Variants in KCNQ3 observed in about 807,000 individuals in gnomAD.
The protein encoded by KCNQ3 is potassium voltage-gated channel subfamily KQT member 3.
KCNQ3 carries 30 observed loss-of-function variants against 92.5 expected under a neutral mutation model. The ratio of observed to expected loss-of-function variants is 0.32; its 90% CI spans 0.24 to 0.44. The LOEUF is 0.44. Ranked by LOEUF, KCNQ3 falls within the 20% of genes least tolerant of loss-of-function variation. The pLI is 1.00. For missense variants in KCNQ3, 913 were observed against 1,140.3 expected, an observed-to-expected ratio of 0.80 and a Z score of 2.87; for synonymous variants, 450 against 468.8, an observed-to-expected ratio of 0.96 and a Z score of 0.52.
intron 1 of KCNQ3, among the ~76,000 whole-genome samples, chr8:132,344,776 C>A (rs57465264): frequency 0.013 from 2,017 of 152,178 alleles, 49 homozygotes; most frequent in African/African-American, 0.046. Context: ...GAGGCCAGTG[C>A]AGAAGGAGTA....
chr8:132,181,207 C>T lies in KCNQ3; in HGVS notation c.605-878G>A, dbSNP rs553561255. On this transcript the variant is annotated intron_variant, in intron 3 of 14. Transcript: ENST00000388996. ...GTTAAGCAGGCTCTTGACATCAAATCCTCTAGTATGGAAGAGGGAGGAACT... is the reference window on the plus strand; with the variant it reads ...GTTAAGCAGGCTCTTGACATCAAATTCTCTAGTATGGAAGAGGGAGGAACT... Among the ~76,000 whole-genome samples, 10 of 152,248 alleles carry T rather than the reference C, an allele frequency of 6.6e-5. No homozygotes were observed. In the South Asian group the frequency reaches 2.1e-3, roughly 32 times the overall value.
chr8:132,414,429 A>G (rs1820738719), intron 1 of KCNQ3, among the ~76,000 whole-genome samples: 1 of 152,222 alleles, frequency 6.6e-6, no homozygotes, highest in South Asian at 2.1e-4. Context: ...ACTTGCTCGG[A>G]GCCCTCGCCA....
At position 132,241,999 on chromosome 8, in the gene KCNQ3, A is replaced by T. The variant is rs186504970; in HGVS notation, c.387-55818T>A. Reference sequence around the variant, plus strand: ...AAGGGCATCTAGGTAGATCAAGGATATTTTAATTTGCTTAGGAACTTATTC... The same window carrying T: ...AAGGGCATCTAGGTAGATCAAGGATTTTTTAATTTGCTTAGGAACTTATTC... On this transcript the variant is annotated intron_variant, in intron 1 of 14. Coordinates refer to ENST00000388996, the MANE Select transcript of KCNQ3 (RefSeq NM_004519.4). 1.3e-4 allele frequency among the ~76,000 whole-genome samples: 19 copies of T among 146,586 alleles called. No homozygotes were observed. In the East Asian group the frequency reaches 4.0e-3, roughly 31 times the overall value.
At chr8:132,328,341 G>C (rs1818121202) in intron 1 of KCNQ3, among the ~76,000 whole-genome samples, 1 of 152,106 alleles carries the variant, frequency 6.6e-6, no homozygotes, top group African/African-American at 2.4e-5. Flanking sequence ...GGGATAGAGG[G>C]GCAAATCGAC....
chr8:132,184,404 C>A, intron 2 of KCNQ3, 37 bp from the exon 3 acceptor site: 3 of 1,611,916 alleles, frequency 1.9e-6, no homozygotes, highest in Non-Finnish European at 2.5e-6. Context: ...ACTGATTAAC[C>A]GAGATCCACT....
chr8:132,447,281 A>T, intron 1 of KCNQ3: 1 of 1,533,072 alleles, frequency 6.5e-7, no homozygotes, highest in Non-Finnish European at 8.7e-7. Context: ...CACAGCTAGA[A>T]ATAACCCTAA....
chr8:132,302,587 A>C (rs1817254035), intron 1 of KCNQ3, among the ~76,000 whole-genome samples: 1 of 152,222 alleles, frequency 6.6e-6, no homozygotes, highest in South Asian at 2.1e-4. Flanking sequence ...GGACAACATA[A>C]TGAAGACATG....
intron 1 of KCNQ3, among the ~76,000 whole-genome samples, chr8:132,274,739 T>C (rs187712048): frequency 5.1e-4 from 78 of 152,256 alleles, no homozygotes; most frequent in Admixed American, 9.8e-4. Flanking sequence ...CATAAATAAG[T>C]GAAAATTGTG....
chr8:132,430,182 A>C (rs1032044133), intron 1 of KCNQ3, among the ~76,000 whole-genome samples: 2 of 152,202 alleles, frequency 1.3e-5, no homozygotes, highest in Admixed American at 6.5e-5. Context: ...CTTTAGATTT[A>C]GATTTCCACC....
At chr8:132,311,945 C>T (rs1817605557) in intron 1 of KCNQ3, among the ~76,000 whole-genome samples, 1 of 148,278 alleles carries the variant, frequency 6.7e-6, no homozygotes, top group Non-Finnish European at 1.5e-5. Context: ...AATCCAGTGA[C>T]TGATATCGTT....
At chr8:132,141,092 A>AG in intron 10 of KCNQ3, 37 bp downstream of exon 10, 1 of 1,582,434 alleles carries the variant, frequency 6.3e-7, no homozygotes, top group Non-Finnish European at 8.7e-7. Flanking sequence ...GGGAGGAAGA[A>AG]GTGGAAGAGA....
At chr8:132,163,616 A>G (rs1826056756) in intron 8 of KCNQ3, 122 bp from the exon 9 acceptor site, 1 of 873,444 alleles carries the variant, frequency 1.1e-6, no homozygotes, top group Admixed American at 1.9e-5. Flanking sequence ...GCTCTAGGAC[A>G]GGATGGTCAG....
intron 1 of KCNQ3, among the ~76,000 whole-genome samples, chr8:132,206,921 A>T (rs185729987): frequency 6.6e-6 from 1 of 152,104 alleles, no homozygotes; most frequent in African/African-American, 2.4e-5. Context: ...GTTCTTTAAG[A>T]TGCATTCTTA....
intron 1 of KCNQ3, among the ~76,000 whole-genome samples, chr8:132,298,831 T>C (rs1191786498): frequency 6.6e-6 from 1 of 151,976 alleles, no homozygotes; most frequent in Admixed American, 6.6e-5. Flanking sequence ...TCCTTTGAAC[T>C]CAGGAGGTGG....
chr8:132,347,690 A>C (rs1258382501), intron 1 of KCNQ3, among the ~76,000 whole-genome samples: 1 of 152,228 alleles, frequency 6.6e-6, no homozygotes, highest in African/African-American at 2.4e-5. Context: ...TAAAAAGAGG[A>C]AAACCGGCCG....
At chr8:132,472,867 T>C (rs1822326481) in intron 1 of KCNQ3, among the ~76,000 whole-genome samples, 1 of 152,216 alleles carries the variant, frequency 6.6e-6, no homozygotes, top group Non-Finnish European at 1.5e-5. Flanking sequence ...AAATAGTACA[T>C]GTACCTCATA....
chr8:132,359,259 G>A (rs1340498124), intron 1 of KCNQ3, among the ~76,000 whole-genome samples: 1 of 152,180 alleles, frequency 6.6e-6, no homozygotes, highest in African/African-American at 2.4e-5. Context: ...AGGGAGAAAT[G>A]TTTCATGTTT....
At chr8:132,254,745 G>A (rs893624854) in intron 1 of KCNQ3, among the ~76,000 whole-genome samples, 11 of 152,070 alleles carry the variant, frequency 7.2e-5, no homozygotes, top group African/African-American at 2.7e-4. Context: ...TGGGCGTGGT[G>A]GCATGTGCAT....
chr8:132,337,629 C>T (rs1014389790), intron 1 of KCNQ3, among the ~76,000 whole-genome samples: 1 of 152,144 alleles, frequency 6.6e-6, no homozygotes, highest in East Asian at 1.9e-4. Context: ...GGGACTCATA[C>T]AGACATGGCA....
Sources: allele counts gnomAD v4.1 joint callset (sites outside exome capture counted in the v4.1 genomes callset), GRCh38; gene constraint gnomAD v4.1.1; transcripts MANE v1.5; gene names NCBI Gene and HGNC (gene_info 2026-07-23, HGNC 2026-07-21).